The following PBX3 variants were observed in gnomAD, a reference collection of about 807,000 sequenced individuals.
PBX3 encodes pre-B-cell leukemia transcription factor 3.
PBX3 carries 14 observed loss-of-function variants against 48.5 expected under a neutral mutation model. The observed-to-expected ratio is 0.29, with a 90% CI of 0.19 to 0.45. PBX3 has a LOEUF of 0.45. Among genes scored for constraint, PBX3 ranks in the 20% least tolerant of loss-of-function variants. The pLI is 1.00. For synonymous variants in PBX3, 210 were observed against 200.3 expected (o/e 1.05, Z -0.41); for missense variants, 386 against 546.7 (o/e 0.71, Z 2.93).
At chr9:125,871,317 G>A (rs564596044) in intron 2 of PBX3, among the ~76,000 whole-genome samples, 70 of 151,798 alleles carry the variant, frequency 4.6e-4, no homozygotes, top group African/African-American at 1.7e-3. Context: ...ACTTGAACCC[G>A]GGAGGTGGAG....
At chr9:125,883,444 C>T (rs1387933073) in intron 2 of PBX3, among the ~76,000 whole-genome samples, 1 of 152,198 alleles carries the variant, frequency 6.6e-6, no homozygotes, top group Non-Finnish European at 1.5e-5. Context: ...TCATTCTTGT[C>T]AGTGGTACTT....
At chr9:125,859,983 G>T (rs1839820261) in intron 2 of PBX3, among the ~76,000 whole-genome samples, 1 of 152,194 alleles carries the variant, frequency 6.6e-6, no homozygotes, top group African/African-American at 2.4e-5. Flanking sequence ...ATAATTTTCT[G>T]TTGGGCTTAA....
chr9:125,911,882 A>G (rs1841211825), intron 2 of PBX3, among the ~76,000 whole-genome samples: 1 of 152,156 alleles, frequency 6.6e-6, no homozygotes, highest in Non-Finnish European at 1.5e-5. Context: ...TATTATGGAT[A>G]TTATCTATCT....
chr9:125,783,153 C>G (rs1029871569), intron 2 of PBX3, among the ~76,000 whole-genome samples: 2 of 152,116 alleles, frequency 1.3e-5, no homozygotes, highest in East Asian at 1.9e-4. Flanking sequence ...CTTTCTGTCT[C>G]TCCTTTCTTT....
intron 2 of PBX3, among the ~76,000 whole-genome samples, chr9:125,910,188 T>C (rs1039909887): frequency 2.6e-5 from 4 of 152,168 alleles, no homozygotes; most frequent in Non-Finnish European, 5.9e-5. Flanking sequence ...TGGGCTGTTT[T>C]AGGAAGGTAG....
At chr9:125,832,023 A>G (rs1372050630) in intron 2 of PBX3, among the ~76,000 whole-genome samples, 2 of 152,166 alleles carry the variant, frequency 1.3e-5, no homozygotes, top group African/African-American at 2.4e-5. Context: ...AAGAGAGGAG[A>G]TAAGTGAGCT....
intron 2 of PBX3, among the ~76,000 whole-genome samples, chr9:125,841,673 G>T (rs538447920): frequency 3.3e-5 from 5 of 152,286 alleles, no homozygotes; most frequent in East Asian, 1.9e-4. Flanking sequence ...TGCTTGCAAT[G>T]CCTCTAGTAC....
chr9:125,748,169 C>G (rs1217483257), intron 1 of PBX3: 2 of 898,318 alleles, frequency 2.2e-6, no homozygotes, highest in African/African-American at 1.8e-5. Context: ...CGAGCTGTCA[C>G]CCTCCCGCTG....
chr9:125,833,028 C>G (rs551971012), intron 2 of PBX3, among the ~76,000 whole-genome samples: 2 of 152,166 alleles, frequency 1.3e-5, no homozygotes, highest in Non-Finnish European at 2.9e-5. Flanking sequence ...GTTCCAGCAT[C>G]TGTGTAATCT....
intron 2 of PBX3, among the ~76,000 whole-genome samples, chr9:125,779,274 T>C (rs977498854): frequency 6.7e-6 from 1 of 149,416 alleles, no homozygotes; most frequent in African/African-American, 2.5e-5. Flanking sequence ...TTTTTATTTT[T>C]TTTATTGATC....
intron 2 of PBX3, among the ~76,000 whole-genome samples, chr9:125,756,304 G>A (rs1316446465): frequency 6.6e-6 from 1 of 152,134 alleles, no homozygotes; most frequent in African/African-American, 2.4e-5. Context: ...CTAGGCCTCT[G>A]AATTTTTCTC....
At chr9:125,865,051 C>T (rs1312998069) in intron 2 of PBX3, among the ~76,000 whole-genome samples, 2 of 152,162 alleles carry the variant, frequency 1.3e-5, no homozygotes, top group Non-Finnish European at 2.9e-5. Context: ...TGGCGCTGTT[C>T]GGATTACTTC....
At position 125,749,130 on chromosome 9, in the gene PBX3, T is replaced by C. The variant is rs1836294563; in HGVS notation, c.274+507T>C. On this transcript the variant is annotated intron_variant, in intron 2 of 8. Transcript: ENST00000373489. The stretch of plus-strand genomic sequence containing the variant: ...TAGGTGGGAAGGCTACTTTAGAGAA[T>C]CGAGGAAGGGTAATGATGTGTAGAC... 5 of 157,316 alleles carry C rather than the reference T, an allele frequency of 3.2e-5. No homozygotes were observed. The South Asian group carries it at 7.4e-4, about 23-fold the overall frequency. 9.7% of individuals were successfully genotyped at this position (157,316 alleles called of 1,614,324 possible).
At chr9:125,765,699 TG>T (rs1836785421) in intron 2 of PBX3, among the ~76,000 whole-genome samples, 1 of 152,210 alleles carries the variant, frequency 6.6e-6, no homozygotes, top group Admixed American at 6.5e-5. Context: ...CTTTAAAACT[TG>T]GGTCTTGTAC....
intron 8 of PBX3, among the ~76,000 whole-genome samples, chr9:125,963,527 A>T (rs1842473593): frequency 6.6e-6 from 1 of 152,270 alleles, no homozygotes; most frequent in African/African-American, 2.4e-5. Flanking sequence ...TATTAAAAGC[A>T]TCTTGCTGTA....
chr9:125,927,627 T>G (rs1177486583), intron 3 of PBX3, among the ~76,000 whole-genome samples: 2 of 152,188 alleles, frequency 1.3e-5, no homozygotes, highest in Non-Finnish European at 2.9e-5. Flanking sequence ...CATCCTGCAT[T>G]TTTAAGAAAA....
intron 2 of PBX3, among the ~76,000 whole-genome samples, chr9:125,898,439 C>T (rs1184182784): frequency 7.8e-6 from 1 of 127,700 alleles, no homozygotes; most frequent in African/African-American, 2.8e-5. Context: ...GTAGCAGGAC[C>T]CCATCTTCTG....
chr9:125,836,444 CA>C (rs111323014), intron 2 of PBX3, among the ~76,000 whole-genome samples: 162 of 142,180 alleles, frequency 1.1e-3, no homozygotes, highest in Middle Eastern at 3.6e-3. Flanking sequence ...GACTCTGTCT[CA>C]AAAAAAAAAA....
At chr9:125,851,342 G>A (rs1417057630) in intron 2 of PBX3, among the ~76,000 whole-genome samples, 2 of 151,920 alleles carry the variant, frequency 1.3e-5, no homozygotes, top group Non-Finnish European at 2.9e-5. Flanking sequence ...TTATATCTTT[G>A]CCATTCGCAG....
Sources: allele counts gnomAD v4.1 joint callset (sites outside exome capture counted in the v4.1 genomes callset), GRCh38; gene constraint gnomAD v4.1.1; transcripts MANE v1.5; gene names NCBI Gene and HGNC (gene_info 2026-07-23, HGNC 2026-07-21).